BTNL3: variants seen among roughly 807,000 people sequenced by gnomAD.
BTNL3 encodes butyrophilin-like protein 3.
A neutral mutation model predicts 40.1 loss-of-function variants in BTNL3; 20 were observed. The ratio of observed to expected loss-of-function variants is 0.50; its 90% CI spans 0.35 to 0.72. The LOEUF is 0.72. Ranked by LOEUF, BTNL3 falls within the 30% of genes least tolerant of loss-of-function variation. The pLI, the probability that BTNL3 is intolerant of heterozygous loss-of-function variation, is 0.01. For missense variants in BTNL3, 449 were observed against 582.2 expected, an observed-to-expected ratio of 0.77 and a Z score of 2.35; for synonymous variants, 179 against 222.1, an observed-to-expected ratio of 0.81 and a Z score of 1.73.
At chr5:180,992,495 C>G (rs1759982212) in intron 1 of BTNL3, among the ~76,000 whole-genome samples, 1 of 136,420 alleles carries the variant, frequency 7.3e-6, no homozygotes, top group South Asian at 2.2e-4. Flanking sequence ...CTCCTCCAGT[C>G]AGGGAGTCTG....
intron 2 of BTNL3, 130 bp downstream of exon 2, chr5:180,993,290 G>A: frequency 7.9e-7 from 1 of 1,268,446 alleles, no homozygotes; most frequent in East Asian, 2.8e-5. Flanking sequence ...GGCTTCGGTG[G>A]GGATCACTGA....
intron 2 of BTNL3, among the ~76,000 whole-genome samples, chr5:180,995,475 G>C (rs1274195144): frequency 7.3e-6 from 1 of 136,432 alleles, no homozygotes; most frequent in Non-Finnish European, 1.7e-5. Context: ...GGTGGTTGTG[G>C]CTCCAAATAC....
At chr5:181,003,979 G>A (rs746658746) in intron 5 of BTNL3, 103 bp downstream of exon 5, 4 of 1,600,518 alleles carry the variant, frequency 2.5e-6, no homozygotes, top group African/African-American at 1.3e-5. Context: ...TGGACAGGAA[G>A]CACCGGCAGG....
chr5:180,999,725 A>G (rs564850740), intron 3 of BTNL3, among the ~76,000 whole-genome samples: 2 of 136,896 alleles, frequency 1.5e-5, no homozygotes, highest in South Asian at 4.4e-4. Flanking sequence ...ACTTAAATCC[A>G]GGAGACAGAG....
chr5:180,996,414 T>C (rs1292630700), intron 2 of BTNL3, among the ~76,000 whole-genome samples: 3 of 135,832 alleles, frequency 2.2e-5, no homozygotes, highest in South Asian at 2.2e-4. Flanking sequence ...CTCTCTAACA[T>C]ACAGGCCTTG....
rs189261121 is a variant in BTNL3 at position 180,997,565 on chromosome 5, G to A, written c.673+77G>A. 9 of 1,439,092 alleles carry A rather than the reference G, an allele frequency of 6.3e-6. 2 individuals are homozygous for A. The East Asian group carries it at 2.2e-4, about 36-fold the overall frequency. The allele number at this position is 1,439,092 out of a possible 1,614,324, so 89.1% of individuals were successfully genotyped here. On this transcript the variant is annotated intron_variant, in intron 3 of 7. Transcript: ENST00000342868. ...GGGTAGAGCAGCAGCTTGTGTCTGGGATTGTTGTGTAGTACCATCCAGCTT... is the reference window on the plus strand; with the variant it reads ...GGGTAGAGCAGCAGCTTGTGTCTGGAATTGTTGTGTAGTACCATCCAGCTT...
At chr5:181,004,481 C>A in intron 6 of BTNL3, 38 bp downstream of exon 6, 1 of 847,556 alleles carries the variant, frequency 1.2e-6, no homozygotes, top group Non-Finnish European at 1.9e-6. Flanking sequence ...TTTATGACTC[C>A]TTTCCAAGTC....
chr5:181,003,268 A>T (rs1760155427), intron 4 of BTNL3, among the ~76,000 whole-genome samples: 1 of 135,232 alleles, frequency 7.4e-6, no homozygotes, highest in South Asian at 2.2e-4. Context: ...GCTACTTAGG[A>T]GGTTGAGATG....
At chr5:180,991,964 T>C (rs1287420385) in intron 1 of BTNL3, among the ~76,000 whole-genome samples, 1 of 137,672 alleles carries the variant, frequency 7.3e-6, no homozygotes, top group Non-Finnish European at 1.7e-5. Context: ...TTAAGAAAGT[T>C]TAAGAATTTG....
chr5:180,997,988 C>T lies in BTNL3; in HGVS notation c.673+500C>T, dbSNP rs1035901934. On this transcript the variant is annotated intron_variant, in intron 3 of 7. Coordinates refer to ENST00000342868, the MANE Select transcript of BTNL3 (RefSeq NM_197975.3). Reference sequence around the variant, plus strand: ...CTCAGACTGGATTTAAAAATCTCATCGCTTGAACCCAGGAGGCAGAGGTTG... The same window carrying T: ...CTCAGACTGGATTTAAAAATCTCATTGCTTGAACCCAGGAGGCAGAGGTTG... Among the ~76,000 whole-genome samples the T allele has an allele frequency of 1.5e-5, 2 of 136,242 alleles. 1 individual carries two copies. 89.4% of individuals were successfully genotyped at this position (136,242 alleles called of 152,430 possible). A position where few individuals can be genotyped will look rare whatever the true frequency, so the allele number is the denominator to read the frequency against.
rs1166249527 is a variant in BTNL3, at chr5:181,002,655, G to T, written c.674-17G>T. On this transcript the variant is annotated splice_polypyrimidine_tract_variant and intron_variant, in intron 3 of 7. Coordinates refer to ENST00000342868, the MANE Select transcript of BTNL3 (RefSeq NM_197975.3). ...CCTGCTTAGCTATCACTAAGGGTCTGTGGGACTGTTTTTCAGAGACGTTTT... is the reference window on the plus strand; with the variant it reads ...CCTGCTTAGCTATCACTAAGGGTCTTTGGGACTGTTTTTCAGAGACGTTTT... 3 of 1,452,654 alleles carry T rather than the reference G, an allele frequency of 2.1e-6. 1 individual carries two copies. The highest frequency in any genetic ancestry group is 2.8e-6 in the Non-Finnish European group (3 of 1,053,382). 90.0% of individuals were successfully genotyped at this position (1,452,654 alleles called of 1,614,324 possible).
chr5:180,989,451 T>C lies in BTNL3; in HGVS notation c.49+374T>C, dbSNP rs957084342. Among the ~76,000 whole-genome samples, 9 of 136,982 alleles carry C rather than the reference T, an allele frequency of 6.6e-5. 1 individual carries two copies. Among genetic ancestry groups the C allele is most frequent in the Non-Finnish European group, 1.2e-4 (7 of 59,758 alleles). The allele number at this position is 136,982 out of a possible 152,430, so 89.9% of individuals were successfully genotyped here. A position where few individuals can be genotyped will look rare whatever the true frequency, so the allele number is the denominator to read the frequency against. On this transcript the variant is annotated intron_variant, in intron 1 of 7. Coordinates refer to ENST00000342868, the MANE Select transcript of BTNL3 (RefSeq NM_197975.3). ...CTAATAAAATCCCCAGGTTTTTGAC[T>C]TGGGTGCCTGGGTGGAAGGTGGCAC...
At chr5:180,996,681 A>G (rs1561959405) in intron 2 of BTNL3, among the ~76,000 whole-genome samples, 1 of 136,292 alleles carries the variant, frequency 7.3e-6, no homozygotes, top group East Asian at 2.2e-4. Context: ...TTTGTCTAAA[A>G]TGCTTCCCCT....
intron 1 of BTNL3, among the ~76,000 whole-genome samples, chr5:180,990,919 C>T (rs1178209601): frequency 4.4e-5 from 6 of 137,298 alleles, no homozygotes; most frequent in African/African-American, 1.5e-4. Context: ...AGGATCTTCC[C>T]AACATCCACT....
chr5:181,005,865 G>A lies in BTNL3; in HGVS notation c.1394G>A (p.Trp465Ter). The A allele has an allele frequency of 6.2e-7, 1 of 1,600,594 alleles. No homozygotes were observed. The highest frequency in any genetic ancestry group is 8.5e-7 in the Non-Finnish European group (1 of 1,173,348). Residue 465 changes from tryptophan (W) to a stop codon, truncating the protein, a stop_gained, in exon 8 of 8, where the codon TGG (tryptophan) becomes TAG (stop). Coordinates refer to ENST00000342868, the MANE Select transcript of BTNL3 (RefSeq NM_197975.3). LOFTEE classifies it high-confidence loss of function. The part of the protein sequence containing the change: ...GTPIFICPVS[W>*]G ...CCCATATTCATATGTCCAGTGTCCTGGGGATGAGACAGAGAAGACCCTGCT... is the reference window on the plus strand; with the variant it reads ...CCCATATTCATATGTCCAGTGTCCTAGGGATGAGACAGAGAAGACCCTGCT...
chr5:181,000,730 C>T (rs1469020407), intron 3 of BTNL3, among the ~76,000 whole-genome samples: 1 of 132,960 alleles, frequency 7.5e-6, no homozygotes, highest in African/African-American at 2.6e-5. Context: ...GGCGTGAACC[C>T]GGGAAGCGGA....
Position 180,991,610 on chromosome 5 carries a change from C to G in BTNL3, c.50-1203C>G, listed in dbSNP as rs542187436. Among the ~76,000 whole-genome samples the G allele has an allele frequency of 2.9e-5, 4 of 136,758 alleles. 2 individuals are homozygous for G. The East Asian group carries it at 8.6e-4, about 29-fold the overall frequency. The allele number at this position is 136,758 out of a possible 152,430, so 89.7% of individuals were successfully genotyped here. On this transcript the variant is annotated intron_variant, in intron 1 of 7. Transcript: ENST00000342868. ...GAAAGTAGCGCTCACCATTCCTAGGCATAATCCCTGTCTGTGGAGCCCATT... is the reference window on the plus strand; with the variant it reads ...GAAAGTAGCGCTCACCATTCCTAGGGATAATCCCTGTCTGTGGAGCCCATT...
intron 1 of BTNL3, 151 bp from the exon 2 acceptor site, chr5:180,992,662 G>A (rs1443614006): frequency 5.0e-6 from 5 of 1,007,832 alleles, no homozygotes; most frequent in East Asian, 5.7e-5. Context: ...AAGCATTCTC[G>A]CAAGTGTAAG....
In BTNL3 at chr5:180,991,806, C is replaced by CAAACA. The variant is rs1233945505; in HGVS notation, c.50-996_50-992dup. Among the ~76,000 whole-genome samples, 2 of 136,602 alleles carry CAAACA rather than the reference C, an allele frequency of 1.5e-5. 1 individual carries two copies. The highest frequency in any genetic ancestry group is 3.4e-5 in the Non-Finnish European group (2 of 59,652). The allele number at this position is 136,602 out of a possible 152,430, so 89.6% of individuals were successfully genotyped here. ...AAGACAAAGCTGTACCAAGAAAATA[C>CAAACA]AAACAAAACAAAACAGGTAAGCCAT... On this transcript the variant is annotated intron_variant, in intron 1 of 7. Transcript: ENST00000342868.
Sources: allele counts gnomAD v4.1 joint callset (sites outside exome capture counted in the v4.1 genomes callset), GRCh38; gene constraint gnomAD v4.1.1; transcripts MANE v1.5; gene names NCBI Gene and HGNC (gene_info 2026-07-23, HGNC 2026-07-21).